PRKCI: variants seen among roughly 807,000 people sequenced by gnomAD.
PRKCI encodes the protein protein kinase C iota type.
Under a neutral mutation model 84.0 loss-of-function variants are expected in PRKCI, and 43 were observed. The observed-to-expected ratio is 0.51, with a 90% CI of 0.40 to 0.66. The LOEUF is 0.66. Ranked by LOEUF, PRKCI falls within the 30% of genes least tolerant of loss-of-function variation. PRKCI has a pLI of 0.00. For missense variants in PRKCI, 459 were observed against 745.6 expected, an observed-to-expected ratio of 0.62 and a Z score of 4.48; for synonymous variants, 216 against 234.4, an observed-to-expected ratio of 0.92 and a Z score of 0.72.
At chr3:170,273,418 C>G in intron 7 of PRKCI, 78 bp downstream of exon 7, 1 of 1,368,452 alleles carries the variant, frequency 7.3e-7, no homozygotes, top group Non-Finnish European at 1.0e-6. Flanking sequence ...CTCTCTTACC[C>G]AAGTTTAAAA....
intron 17 of PRKCI, 39 bp downstream of exon 17, chr3:170,299,149 T>C: frequency 7.9e-7 from 1 of 1,272,020 alleles, no homozygotes; most frequent in Non-Finnish European, 1.1e-6. Flanking sequence ...TTTTAAGTTC[T>C]TTGGAAATCC....
intron 1 of PRKCI, among the ~76,000 whole-genome samples, chr3:170,232,267 C>A (rs1257380309): frequency 1.3e-5 from 2 of 152,082 alleles, no homozygotes; most frequent in East Asian, 3.9e-4. Flanking sequence ...CCCAGGCAGG[C>A]CTCGAACTCC....
At chr3:170,253,070 G>C (rs1430032286) in intron 2 of PRKCI, among the ~76,000 whole-genome samples, 1 of 152,178 alleles carries the variant, frequency 6.6e-6, no homozygotes, top group African/African-American at 2.4e-5. Context: ...TTTTGTGGCT[G>C]AATAGTACTC....
chr3:170,299,637 AT>A (rs1282325280), intron 17 of PRKCI, among the ~76,000 whole-genome samples: 2 of 152,180 alleles, frequency 1.3e-5, no homozygotes, highest in Non-Finnish European at 2.9e-5. Flanking sequence ...GCATTATCTT[AT>A]TTTCACAACA....
chr3:170,288,006 G>C (rs541443233), intron 12 of PRKCI, among the ~76,000 whole-genome samples: 57 of 151,928 alleles, frequency 3.8e-4, no homozygotes, highest in African/African-American at 1.3e-3. Flanking sequence ...CAGCATTTTG[G>C]GAGGCCGAGG....
intron 6 of PRKCI, among the ~76,000 whole-genome samples, chr3:170,272,345 C>T (rs540787961): frequency 6.6e-6 from 1 of 152,236 alleles, no homozygotes; most frequent in Admixed American, 6.5e-5. Context: ...ATTGTTATTC[C>T]ATGTTTATTC....
At chr3:170,273,828 A>AG (rs1253683638) in intron 7 of PRKCI, among the ~76,000 whole-genome samples, 4 of 134,466 alleles carry the variant, frequency 3.0e-5, no homozygotes, top group African/African-American at 8.5e-5. Context: ...AAAGAGAGAG[A>AG]GAAAAAAAAA....
chr3:170,242,050 G>A (rs375246202), intron 2 of PRKCI, among the ~76,000 whole-genome samples: 8 of 152,164 alleles, frequency 5.3e-5, no homozygotes, highest in Non-Finnish European at 8.8e-5. Flanking sequence ...TGGAGGTTGC[G>A]GTGAGCCGAG....
At chr3:170,241,260 A>G (rs1046709320) in intron 2 of PRKCI, among the ~76,000 whole-genome samples, 51 of 152,200 alleles carry the variant, frequency 3.4e-4, no homozygotes, top group African/African-American at 1.1e-3. Flanking sequence ...TGTAGTCACC[A>G]TGCTATGCAA....
At chr3:170,227,677 A>G (rs1031318043) in intron 1 of PRKCI, among the ~76,000 whole-genome samples, 2 of 152,260 alleles carry the variant, frequency 1.3e-5, no homozygotes, top group African/African-American at 4.8e-5. Flanking sequence ...GTGGGCACTG[A>G]TGAGAAATGA....
chr3:170,252,206 T>G (rs1733468568), intron 2 of PRKCI, among the ~76,000 whole-genome samples: 2 of 143,094 alleles, frequency 1.4e-5, no homozygotes, highest in Non-Finnish European at 3.0e-5. Context: ...AGAGCGAGAC[T>G]CCGTCTCAAA....
intron 12 of PRKCI, among the ~76,000 whole-genome samples, chr3:170,287,908 CAAAA>C (rs750366555): frequency 3.0e-4 from 15 of 50,542 alleles, no homozygotes; most frequent in Non-Finnish European, 3.0e-4. Flanking sequence ...GACTCTGTCT[CAAAA>C]AAAAAAAAAA....
chr3:170,232,638 C>A (rs1368900557), intron 1 of PRKCI, among the ~76,000 whole-genome samples: 1 of 151,900 alleles, frequency 6.6e-6, no homozygotes, highest in Admixed American at 6.6e-5. Context: ...TCGATCATGG[C>A]TCACTGCAGC....
chr3:170,232,424 G>T (rs993760911), intron 1 of PRKCI, among the ~76,000 whole-genome samples: 2 of 151,968 alleles, frequency 1.3e-5, no homozygotes, highest in Non-Finnish European at 2.9e-5. Context: ...AGAGTGCAAT[G>T]ACATAGTCAC....
chr3:170,281,088 C>A, intron 9 of PRKCI, 78 bp from the exon 10 acceptor site: 2 of 1,168,526 alleles, frequency 1.7e-6, no homozygotes, highest in Non-Finnish European at 1.3e-6. Flanking sequence ...GCATTTGTGA[C>A]CATTGAATTG....
chr3:170,293,304 T>G, intron 13 of PRKCI, 79 bp from the exon 14 acceptor site: 1 of 1,383,402 alleles, frequency 7.2e-7, no homozygotes, highest in Non-Finnish European at 9.9e-7. Context: ...TCTTTTTCCT[T>G]TATGTGATAA....
intron 17 of PRKCI, among the ~76,000 whole-genome samples, chr3:170,299,690 G>A (rs909508542): frequency 2.0e-5 from 3 of 152,160 alleles, no homozygotes; most frequent in Admixed American, 6.5e-5. Context: ...TTACAGATGA[G>A]GAAACCAAGG....
chr3:170,284,520 A>G lies in PRKCI; in HGVS notation c.1127A>G (p.Tyr376Cys). 2 of 1,606,892 alleles carry G rather than the reference A, an allele frequency of 1.2e-6. No homozygotes were observed. The highest frequency in any genetic ancestry group is 1.7e-6 in the Non-Finnish European group (2 of 1,173,930). ...TATCTTCATGAGCGAGGGATAATTT[A>G]TAGAGATTTGAAACTGGACAATGTA... ...LNYLHERGIIYRDLKLDNVLL... is the reference protein window; with the variant it reads ...LNYLHERGIICRDLKLDNVLL... The change falls in exon 12 of 18, where the codon TAT (tyrosine) becomes TGT (cysteine). Residue 376 changes from tyrosine (Y) to cysteine (C), a missense_variant. By Grantham distance (194) the Tyr-to-Cys change is radical. Coordinates refer to ENST00000295797, the MANE Select transcript of PRKCI (RefSeq NM_002740.6).
At chr3:170,255,524 A>G (rs1056419852) in intron 2 of PRKCI, among the ~76,000 whole-genome samples, 3 of 152,174 alleles carry the variant, frequency 2.0e-5, no homozygotes, top group Admixed American at 1.3e-4. Flanking sequence ...ACTTTACTGA[A>G]TTAGTTTATC....
Sources: gnomAD v4.1 joint callset for allele counts (sites outside exome capture counted in the v4.1 genomes callset) on GRCh38, gnomAD v4.1.1 for gene constraint, MANE v1.5 for transcripts, NCBI Gene and HGNC (gene_info 2026-07-23, HGNC 2026-07-21) for gene names.